KLRG2: variants seen among roughly 807,000 people sequenced by gnomAD.
KLRG2 encodes the protein killer cell lectin like receptor G2, also known as killer cell lectin-like receptor subfamily G member 2.
Under a neutral mutation model 35.4 loss-of-function variants are expected in KLRG2, and 39 were observed. The ratio of observed to expected loss-of-function variants is 1.10; its 90% CI spans 0.85 to 1.44. The LOEUF is 1.44. Among genes scored for constraint, KLRG2 ranks in the 40% most tolerant of loss-of-function variants. KLRG2 has a pLI of 0.00. For synonymous variants in KLRG2, 283 were observed against 265.8 expected, an observed-to-expected ratio of 1.06 and a Z score of -0.63; for missense variants, 632 against 570.9, an observed-to-expected ratio of 1.11 and a Z score of -1.09.
intron 3 of KLRG2, among the ~76,000 whole-genome samples, chr7:139,478,424 C>G (rs895028428): frequency 6.7e-6 from 1 of 149,926 alleles, no homozygotes; most frequent in African/African-American, 2.5e-5. Context: ...AATCCCAGCA[C>G]TTTGGGAGGC....
In KLRG2 at chr7:139,453,253, CCTGT is replaced by C; in HGVS notation, c.*330_*333del. 4.2e-6 allele frequency: 2 copies of C among 470,712 alleles called. No individual in the cohort carries two copies. Among genetic ancestry groups the C allele is most frequent in the Non-Finnish European group, 7.4e-6 (2 of 270,938 alleles). The allele number at this position is 470,712 out of a possible 1,614,324, so 29.2% of individuals were successfully genotyped here. A position where few individuals can be genotyped will look rare whatever the true frequency, so the allele number is the denominator to read the frequency against. On this transcript the variant is annotated 3_prime_UTR_variant, in exon 5 of 5. Transcript: ENST00000340940. ...ATTGGAATCCGCTGTGGTTGTTAAC[CCTGT>C]CTTTTTCCTCTAGGGGGAAATTGTC...
At chr7:139,459,315 G>C (rs1017030269) in intron 3 of KLRG2, among the ~76,000 whole-genome samples, 2 of 152,144 alleles carry the variant, frequency 1.3e-5, no homozygotes, top group African/African-American at 4.8e-5. Flanking sequence ...TCTGTCTCAG[G>C]ACAAAATGCT....
At chr7:139,459,840 C>T (rs1290935891) in intron 3 of KLRG2, among the ~76,000 whole-genome samples, 1 of 152,044 alleles carries the variant, frequency 6.6e-6, no homozygotes, top group Non-Finnish European at 1.5e-5. Flanking sequence ...CAACCTCCGC[C>T]TCCCAGGTTC....
intron 3 of KLRG2, among the ~76,000 whole-genome samples, chr7:139,459,382 T>C (rs991743845): frequency 6.6e-6 from 1 of 152,240 alleles, no homozygotes; most frequent in Non-Finnish European, 1.5e-5. Flanking sequence ...ATGAACTATG[T>C]CCCTGCAACA....
chr7:139,458,051 T>C (rs562606915), intron 3 of KLRG2, among the ~76,000 whole-genome samples: 1 of 152,316 alleles, frequency 6.6e-6, no homozygotes, highest in East Asian at 1.9e-4. Flanking sequence ...TTGTTTCCTA[T>C]GCCTTCATAC....
chr7:139,464,675 G>A (rs111846774), intron 3 of KLRG2, among the ~76,000 whole-genome samples: 3,608 of 152,266 alleles, frequency 0.024, 140 homozygotes, highest in African/African-American at 0.078. Context: ...AGGACTCTGT[G>A]GTCGGAATTC....
rs559041152 is a variant in KLRG2, at chr7:139,466,309, G to A, written c.1006-12095C>T. Reference sequence around the variant, plus strand: ...CCACAGGGTCTGAGAAGGCCACCGCGGTCATTTCTTCTCTTCTGTCAGACA... The same window carrying A: ...CCACAGGGTCTGAGAAGGCCACCGCAGTCATTTCTTCTCTTCTGTCAGACA... On this transcript the variant is annotated intron_variant, in intron 3 of 4. Coordinates refer to ENST00000340940, the MANE Select transcript of KLRG2 (RefSeq NM_198508.4). 5.9e-5 allele frequency among the ~76,000 whole-genome samples: 9 copies of A among 152,208 alleles called. No individual in the cohort carries two copies. The East Asian group carries it at 1.4e-3, about 23-fold the overall frequency.
chr7:139,449,244 A>T (rs1198616274), downstream of KLRG2, among the ~76,000 whole-genome samples: 3 of 151,650 alleles, frequency 2.0e-5, no homozygotes, highest in Non-Finnish European at 2.9e-5. Flanking sequence ...TCTACTAAAA[A>T]TACAAAAATT....
intron 1 of KLRG2, 148 bp from the exon 2 acceptor site, chr7:139,480,395 G>C: frequency 2.4e-6 from 1 of 421,242 alleles, no homozygotes; most frequent in Non-Finnish European, 4.4e-6. Context: ...AAACCACAAC[G>C]TTTAAGTTCC....
downstream of KLRG2, among the ~76,000 whole-genome samples, chr7:139,451,745 C>T (rs1023157098): frequency 1.3e-5 from 2 of 152,034 alleles, no homozygotes; most frequent in Non-Finnish European, 2.9e-5. Context: ...ACACTGAGTA[C>T]AACACTTCCC....
At chr7:139,433,029 G>A in the KLRG2 span, among the ~76,000 whole-genome samples, 2 of 152,032 alleles carry the variant, frequency 1.3e-5, no homozygotes, top group African/African-American at 2.4e-5. Flanking sequence ...TTCTGACTTC[G>A]GACACCACTG....
chr7:139,479,798 G>A (rs1033136278), intron 2 of KLRG2, 26 bp from the exon 3 acceptor site: 1 of 1,608,600 alleles, frequency 6.2e-7, no homozygotes, highest in African/African-American at 1.3e-5. Flanking sequence ...CTGCTGGTGA[G>A]CTGCAGGGTA....
chr7:139,479,491 T>C (rs1227124113), intron 3 of KLRG2, 136 bp downstream of exon 3: 2 of 874,192 alleles, frequency 2.3e-6, no homozygotes. Flanking sequence ...CACGAAGTTA[T>C]GGTCATGCTA....
At chr7:139,473,551 A>G (rs1796797249) in intron 3 of KLRG2, among the ~76,000 whole-genome samples, 1 of 152,188 alleles carries the variant, frequency 6.6e-6, no homozygotes, top group Non-Finnish European at 1.5e-5. Flanking sequence ...GGATCACAAC[A>G]TTTGAGGAAA....
At chr7:139,480,745 CTT>C (rs34710698) in intron 1 of KLRG2, among the ~76,000 whole-genome samples, 8,343 of 112,818 alleles carry the variant, frequency 0.074, 433 homozygotes, top group East Asian at 0.35. Context: ...GCGTCTGGCC[CTT>C]TTTTTTTTTT....
intron 3 of KLRG2, among the ~76,000 whole-genome samples, chr7:139,456,136 C>T (rs1796473746): frequency 6.6e-6 from 1 of 152,168 alleles, no homozygotes; most frequent in Non-Finnish European, 1.5e-5. Context: ...TTCGCATATG[C>T]TCAGTTCTTC....
chr7:139,428,241 T>TA, the KLRG2 span, among the ~76,000 whole-genome samples: 4 of 152,116 alleles, frequency 2.6e-5, no homozygotes, highest in African/African-American at 9.7e-5. Context: ...ATATAGGAGT[T>TA]ACCATTTTTT....
At chr7:139,435,255 C>T in the KLRG2 span, among the ~76,000 whole-genome samples, 1 of 152,080 alleles carries the variant, frequency 6.6e-6, no homozygotes, top group African/African-American at 2.4e-5. Flanking sequence ...TTTGGGAGGC[C>T]GAGGGGAGTG....
intron 3 of KLRG2, among the ~76,000 whole-genome samples, chr7:139,473,550 C>A (rs926825919): frequency 2.6e-5 from 4 of 152,142 alleles, no homozygotes; most frequent in Non-Finnish European, 4.4e-5. Flanking sequence ...AGGATCACAA[C>A]ATTTGAGGAA....
Sources: allele counts gnomAD v4.1 joint callset (sites outside exome capture counted in the v4.1 genomes callset), GRCh38; gene constraint gnomAD v4.1.1; transcripts MANE v1.5; gene names NCBI Gene and HGNC (gene_info 2026-07-23, HGNC 2026-07-21).